The following DDR2 variants were observed in gnomAD, a reference collection of about 807,000 sequenced individuals.
DDR2 encodes discoidin domain-containing receptor 2.
A neutral mutation model predicts 94.9 loss-of-function variants in DDR2; 27 were observed. That is an observed-to-expected ratio of 0.28 (90% confidence interval 0.21 to 0.39). The LOEUF is 0.39. Ranked by LOEUF, DDR2 falls within the 10% of genes least tolerant of loss-of-function variation. DDR2 has a pLI of 1.00. For synonymous variants in DDR2, 382 were observed against 377.2 expected (o/e 1.01, Z -0.15); for missense variants, 783 against 1,076.0 (o/e 0.73, Z 3.81).
At chr1:162,771,455 G>A (rs1664262921) in intron 12 of DDR2, among the ~76,000 whole-genome samples, 1 of 152,166 alleles carries the variant, frequency 6.6e-6, no homozygotes, top group African/African-American at 2.4e-5. Flanking sequence ...GAAAGAGCAT[G>A]CTAAATTCAA....
At chr1:162,631,628 A>T (rs919779589), upstream of DDR2, among the ~76,000 whole-genome samples, 3 of 152,058 alleles carry the variant, frequency 2.0e-5, no homozygotes, top group African/African-American at 7.2e-5. Flanking sequence ...TGGAGCCTGG[A>T]TGGATGGAGA....
chr1:162,678,097 G>A (rs192545511), intron 2 of DDR2, among the ~76,000 whole-genome samples: 21 of 152,284 alleles, frequency 1.4e-4, no homozygotes, highest in South Asian at 4.1e-4. Flanking sequence ...ATCTTTCAAC[G>A]TGAAGCAGCA....
At chr1:162,656,041 A>G (rs902497937) in intron 2 of DDR2, among the ~76,000 whole-genome samples, 2 of 152,228 alleles carry the variant, frequency 1.3e-5, no homozygotes, top group Non-Finnish European at 1.5e-5. Flanking sequence ...ATTTCCACAT[A>G]TCAAGGTGGT....
chr1:162,777,392 T>A (rs1390503747), intron 16 of DDR2, among the ~76,000 whole-genome samples: 3 of 152,174 alleles, frequency 2.0e-5, no homozygotes, highest in Non-Finnish European at 4.4e-5. Flanking sequence ...TGTGTAGATA[T>A]ATACTATAAC....
At chr1:162,701,893 C>T (rs895282700) in intron 2 of DDR2, among the ~76,000 whole-genome samples, 1 of 152,052 alleles carries the variant, frequency 6.6e-6, no homozygotes, top group African/African-American at 2.4e-5. Context: ...ACATTAAGTC[C>T]CAGTGTAGTT....
chr1:162,697,383 T>C (rs1660241640), intron 2 of DDR2, among the ~76,000 whole-genome samples: 1 of 152,192 alleles, frequency 6.6e-6, no homozygotes, highest in African/African-American at 2.4e-5. Context: ...AAGTCTCACA[T>C]AGTCATTTGC....
At chr1:162,687,255 A>G (rs1428001571) in intron 2 of DDR2, among the ~76,000 whole-genome samples, 1 of 152,210 alleles carries the variant, frequency 6.6e-6, no homozygotes, top group Non-Finnish European at 1.5e-5. Context: ...CACCTGGAAT[A>G]CTGATGAGTG....
At chr1:162,673,070 C>A (rs1434069510) in intron 2 of DDR2, among the ~76,000 whole-genome samples, 2 of 152,166 alleles carry the variant, frequency 1.3e-5, no homozygotes, top group African/African-American at 4.8e-5. Context: ...TCTAATTGCC[C>A]ATTTTAGTTC....
At chr1:162,703,361 G>A (rs1660515912) in intron 2 of DDR2, among the ~76,000 whole-genome samples, 1 of 152,200 alleles carries the variant, frequency 6.6e-6, no homozygotes, top group Non-Finnish European at 1.5e-5. Context: ...GAGAAGGGAA[G>A]GTAATGAAGA....
At chr1:162,636,609 C>T (rs1656837919) in intron 1 of DDR2, among the ~76,000 whole-genome samples, 1 of 152,182 alleles carries the variant, frequency 6.6e-6, no homozygotes, top group Non-Finnish European at 1.5e-5. Flanking sequence ...GCTCTAGTCC[C>T]ACCACCATCA....
intron 2 of DDR2, among the ~76,000 whole-genome samples, chr1:162,661,218 T>C (rs1245714123): frequency 3.3e-5 from 5 of 152,230 alleles, no homozygotes; most frequent in South Asian, 2.1e-4. Context: ...TTTTATATAA[T>C]TTTATTGAGC....
chr1:162,717,285 C>T (rs573170731), intron 2 of DDR2, among the ~76,000 whole-genome samples: 1 of 152,298 alleles, frequency 6.6e-6, no homozygotes, highest in South Asian at 2.1e-4. Flanking sequence ...ATCCACCCGC[C>T]TCGGCCTTCC....
At chr1:162,743,228 T>G (rs1338009228) in intron 3 of DDR2, among the ~76,000 whole-genome samples, 1 of 152,090 alleles carries the variant, frequency 6.6e-6, no homozygotes, top group Non-Finnish European at 1.5e-5. Flanking sequence ...CTTGGTATGA[T>G]ACAAGCAGAA....
chr1:162,760,142 C>T (rs576856134), intron 8 of DDR2, among the ~76,000 whole-genome samples, 163 bp downstream of exon 8: 10 of 152,128 alleles, frequency 6.6e-5, no homozygotes, highest in South Asian at 6.2e-4. Flanking sequence ...TCTCTAAGGG[C>T]GTGATTCTCC....
In DDR2 at chr1:162,759,711, A is replaced by G. The variant is rs1663621922; in HGVS notation, c.672-85A>G. ...TAAGCTCATACAAAATCTGGAGTGA[A>G]GATGCCGGGTAAAAGCTCTTCCACG... On this transcript the variant is annotated intron_variant, in intron 7 of 17. Transcript: ENST00000367921. 6 of 1,509,110 alleles carry G rather than the reference A, an allele frequency of 4.0e-6. No homozygotes were observed. In the East Asian group the frequency reaches 1.4e-4, roughly 34 times the overall value. 93.5% of individuals were successfully genotyped at this position (1,509,110 alleles called of 1,614,324 possible).
chr1:162,751,032 C>G (rs934408329), intron 3 of DDR2, among the ~76,000 whole-genome samples: 1 of 152,272 alleles, frequency 6.6e-6, no homozygotes, highest in South Asian at 2.1e-4. Flanking sequence ...AGACCCAAAA[C>G]CATAAAAACC....
intron 7 of DDR2, among the ~76,000 whole-genome samples, chr1:162,757,692 A>T (rs61107304): frequency 6.6e-6 from 1 of 152,154 alleles, no homozygotes; most frequent in Non-Finnish European, 1.5e-5. Context: ...TGCTTTAGAC[A>T]GATTAATCAA....
chr1:162,747,616 C>G (rs1366109320), intron 3 of DDR2, among the ~76,000 whole-genome samples: 3 of 152,162 alleles, frequency 2.0e-5, no homozygotes, highest in Non-Finnish European at 4.4e-5. Flanking sequence ...CCTAGCAAGG[C>G]AGGCCAACAT....
chr1:162,731,738 T>C (rs11809108), intron 3 of DDR2, among the ~76,000 whole-genome samples: 642 of 152,374 alleles, frequency 4.2e-3, no homozygotes, highest in Admixed American at 7.1e-3. Flanking sequence ...CTATAAAGTA[T>C]GCTAACTTCT....
Sources: allele counts gnomAD v4.1 joint callset (sites outside exome capture counted in the v4.1 genomes callset), GRCh38; gene constraint gnomAD v4.1.1; transcripts MANE v1.5; gene names NCBI Gene and HGNC (gene_info 2026-07-23, HGNC 2026-07-21).